The following LARP1 variants were observed in gnomAD, a reference collection of about 807,000 sequenced individuals.
LARP1 encodes the protein la-related protein 1.
In LARP1, 36 loss-of-function variants were observed where a neutral mutation model predicts 122.7. The ratio of observed to expected loss-of-function variants is 0.29; its 90% CI spans 0.22 to 0.39. The LOEUF (loss-of-function observed/expected upper bound fraction) is 0.39. LARP1 is among the 10% of genes least tolerant of loss of function. The pLI is 1.00. For synonymous variants in LARP1, 539 were observed against 528.7 expected (o/e 1.02, Z -0.27); for missense variants, 1,040 against 1,403.6 (o/e 0.74, Z 4.14).
intron 1 of LARP1, among the ~76,000 whole-genome samples, chr5:154,691,610 C>CT (rs1300581850): frequency 6.6e-6 from 1 of 152,224 alleles, no homozygotes; most frequent in Admixed American, 6.5e-5. Flanking sequence ...CCCCACTGCC[C>CT]TTCGGCATGA....
chr5:154,722,018 G>A (rs942398103), intron 1 of LARP1, among the ~76,000 whole-genome samples: 4 of 152,126 alleles, frequency 2.6e-5, no homozygotes, highest in Admixed American at 2.0e-4. Flanking sequence ...CCACTGCTAT[G>A]GCATTATCTT....
chr5:154,730,486 T>C (rs558610641), intron 1 of LARP1, among the ~76,000 whole-genome samples: 9 of 151,844 alleles, frequency 5.9e-5, no homozygotes, highest in Non-Finnish European at 1.3e-4. Context: ...CTTTTTTTTT[T>C]TTCGAGACGT....
chr5:154,799,470 TTA>T (rs1470652647), intron 8 of LARP1, 119 bp from the exon 9 acceptor site: 1 of 963,094 alleles, frequency 1.0e-6, no homozygotes, highest in East Asian at 2.4e-5. Flanking sequence ...GTCAATTTTC[TTA>T]TATTACTGGT....
chr5:154,767,575 G>A (rs1361952770), intron 1 of LARP1, among the ~76,000 whole-genome samples: 3 of 152,220 alleles, frequency 2.0e-5, no homozygotes, highest in Non-Finnish European at 2.9e-5. Context: ...TTGACAGTGA[G>A]AAGCTCAAAT....
chr5:154,799,948 T>A lies in LARP1; in HGVS notation c.1622T>A (p.Leu541Gln). Residue 541 changes from leucine to glutamine, a missense_variant, in exon 10 of 19, where the codon CTA becomes CAA. Physicochemically the swap from Leu to Gln is moderately radical, Grantham distance 113 (BLOSUM62 -2). This residue lies in a region of LARP1 where 362 missense variants were observed against 533.1 expected (regional missense o/e 0.68). Coordinates refer to ENST00000518297, the MANE Select transcript of LARP1 (RefSeq NM_033551.3). ...KTEEVSNLKT[L>Q]PKGLSASLPD... The stretch of plus-strand genomic sequence containing the variant: ...GAGGAGGTCAGCAACCTAAAGACAC[T>A]ACCCAAGGGCCTGTCTGCCAGCCTG... The A allele has an allele frequency of 6.2e-7, 1 of 1,614,132 alleles. No individual in the cohort carries two copies. The highest frequency in any genetic ancestry group is 8.5e-7 in the Non-Finnish European group (1 of 1,180,008).
chr5:154,717,383 T>C (rs1164068839), intron 1 of LARP1, among the ~76,000 whole-genome samples: 1 of 152,228 alleles, frequency 6.6e-6, no homozygotes. Context: ...GCCCTGGTCC[T>C]AGTGCTGGCT....
intron 1 of LARP1, among the ~76,000 whole-genome samples, chr5:154,761,308 A>G (rs1009446943): frequency 2.0e-4 from 30 of 152,116 alleles, no homozygotes; most frequent in Non-Finnish European, 1.5e-5. Context: ...TGGGAGGTAG[A>G]GGGTAGTCAC....
chr5:154,699,038 C>T (rs1309251707), intron 1 of LARP1, among the ~76,000 whole-genome samples: 4 of 152,120 alleles, frequency 2.6e-5, no homozygotes, highest in African/African-American at 4.8e-5. Flanking sequence ...AGCGAGGGGC[C>T]GCCAGGATGT....
At chr5:154,773,044 C>A (rs1755574548) in intron 1 of LARP1, among the ~76,000 whole-genome samples, 1 of 142,890 alleles carries the variant, frequency 7.0e-6, no homozygotes, top group African/African-American at 2.6e-5. Flanking sequence ...ACTGTTGGGA[C>A]AACTGGGAAG....
At chr5:154,759,424 ACATGAAGGG>A (rs1316969079) in intron 1 of LARP1, among the ~76,000 whole-genome samples, 2 of 152,310 alleles carry the variant, frequency 1.3e-5, no homozygotes, top group East Asian at 3.9e-4. Flanking sequence ...TTATCCACAG[ACATGAAGGG>A]CATGGATGGA....
rs544224638 is a variant in LARP1 at position 154,707,177 on chromosome 5, G to T, written c.-180+24140G>T. On this transcript the variant is annotated intron_variant, in intron 1 of 18. Coordinates refer to the LARP1 transcript ENST00000687700. Reference sequence around the variant, plus strand: ...CTCGAGCCTGCAATCCCAGCACTTTGGGAGGCTGAGGTGGGAGGCCAGGAG... The same window carrying T: ...CTCGAGCCTGCAATCCCAGCACTTTTGGAGGCTGAGGTGGGAGGCCAGGAG... Among the ~76,000 whole-genome samples, 4 of 152,264 alleles carry T rather than the reference G, an allele frequency of 2.6e-5. No individual in the cohort carries two copies. The East Asian group carries it at 7.7e-4, about 29-fold the overall frequency.
intron 14 of LARP1, among the ~76,000 whole-genome samples, chr5:154,805,474 T>C (rs1371014038): frequency 6.6e-6 from 1 of 151,872 alleles, no homozygotes; most frequent in Admixed American, 6.5e-5. Flanking sequence ...TGCGTATAAG[T>C]GGACCCACGC....
At chr5:154,702,963 C>G (rs1177981424) in intron 1 of LARP1, among the ~76,000 whole-genome samples, 1 of 150,924 alleles carries the variant, frequency 6.6e-6, no homozygotes, top group African/African-American at 2.4e-5. Context: ...ACTATAAATA[C>G]AAAAAAAATT....
At chr5:154,793,150 A>G (rs1229919360) in intron 4 of LARP1, among the ~76,000 whole-genome samples, 1 of 152,184 alleles carries the variant, frequency 6.6e-6, no homozygotes, top group African/African-American at 2.4e-5. Context: ...TCTTCATATC[A>G]TCACTGATGG....
intron 1 of LARP1, among the ~76,000 whole-genome samples, chr5:154,776,869 A>C (rs770116966): frequency 6.6e-6 from 1 of 152,230 alleles, no homozygotes. Flanking sequence ...CAGTTTAGTA[A>C]CATTTCTTTT....
chr5:154,814,207 C>T lies in LARP1; in HGVS notation c.*111C>T. 9.1e-7 allele frequency: 1 copy of T among 1,094,804 alleles called. No individual in the cohort carries two copies. The highest frequency in any genetic ancestry group is 1.5e-5 in the South Asian group (1 of 67,770). The allele number at this position is 1,094,804 out of a possible 1,614,324, so 67.8% of individuals were successfully genotyped here. A position where few individuals can be genotyped will look rare whatever the true frequency, so the allele number is the denominator to read the frequency against. The stretch of plus-strand genomic sequence containing the variant: ...CAATGAAGGGACAGGCCTGGAGTTA[C>T]TAGGACAGGCCTTTGTGCTGAGTAG... On this transcript the variant is annotated 3_prime_UTR_variant, in exon 19 of 19. Transcript: ENST00000518297.
At chr5:154,783,189 C>A (rs1156336966) in intron 1 of LARP1, among the ~76,000 whole-genome samples, 1 of 152,126 alleles carries the variant, frequency 6.6e-6, no homozygotes, top group Non-Finnish European at 1.5e-5. Context: ...GGGTGGGGCA[C>A]AATCCATGTC....
chr5:154,770,487 CCTCCCTGCCCATCCCTGGCTCT>C (rs1349901483), intron 1 of LARP1, among the ~76,000 whole-genome samples: 2 of 152,004 alleles, frequency 1.3e-5, no homozygotes, highest in Non-Finnish European at 2.9e-5. Context: ...TCCCTGGCTC[CCTCCCTGCCCATCCCTGGCTCT>C]CTCCCTGCCC....
intron 1 of LARP1, among the ~76,000 whole-genome samples, chr5:154,684,016 T>G (rs1284734437): frequency 6.6e-6 from 1 of 152,174 alleles, no homozygotes; most frequent in East Asian, 1.9e-4. Context: ...TATAAGAAGT[T>G]GTTTTCGGGT....
Sources: gnomAD v4.1 joint callset for allele counts (sites outside exome capture counted in the v4.1 genomes callset) on GRCh38, gnomAD v4.1.1 for gene constraint, gnomAD v4.1.1 regional missense constraint, MANE v1.5 for transcripts, NCBI Gene and HGNC (gene_info 2026-07-23, HGNC 2026-07-21) for gene names.